SYNDIG1: variants seen among roughly 807,000 people sequenced by gnomAD.
SYNDIG1 encodes synapse differentiation-inducing gene protein 1.
Under a neutral mutation model 19.4 loss-of-function variants are expected in SYNDIG1, and 9 were observed. The observed-to-expected ratio is 0.46, with a 90% CI of 0.28 to 0.81. The LOEUF (loss-of-function observed/expected upper bound fraction) is 0.81, where lower values mean the gene tolerates loss of function less well. Among genes scored for constraint, SYNDIG1 ranks in the 30% least tolerant of loss-of-function variants. The pLI is 0.12. For synonymous variants in SYNDIG1, 141 were observed against 145.9 expected (o/e 0.97, Z 0.24); for missense variants, 311 against 343.3 (o/e 0.91, Z 0.74).
intron 2 of SYNDIG1, among the ~76,000 whole-genome samples, chr20:24,560,768 G>A (rs944527183): frequency 1.8e-5 from 2 of 108,314 alleles, no homozygotes; most frequent in Non-Finnish European, 3.7e-5. Flanking sequence ...AGTATTTTTT[G>A]TTGTGGTTGA....
At chr20:24,631,523 A>G (rs1330128477) in intron 3 of SYNDIG1, among the ~76,000 whole-genome samples, 1 of 152,194 alleles carries the variant, frequency 6.6e-6, no homozygotes, top group Non-Finnish European at 1.5e-5. Context: ...CAATTTACCA[A>G]AACTTTTTTC....
At chr20:24,632,818 G>A (rs1169784775) in intron 3 of SYNDIG1, among the ~76,000 whole-genome samples, 1 of 152,192 alleles carries the variant, frequency 6.6e-6, no homozygotes, top group Non-Finnish European at 1.5e-5. Context: ...AGGCCATCGG[G>A]GCTTCCAGAC....
intron 3 of SYNDIG1, among the ~76,000 whole-genome samples, chr20:24,631,404 C>T (rs184573033): frequency 2.6e-5 from 4 of 152,370 alleles, no homozygotes; most frequent in East Asian, 3.9e-4. Flanking sequence ...TCAGCCACCA[C>T]ATCCCCACCT....
intron 3 of SYNDIG1, among the ~76,000 whole-genome samples, chr20:24,617,973 G>A (rs1272504285): frequency 6.9e-6 from 1 of 145,456 alleles, no homozygotes; most frequent in Non-Finnish European, 1.5e-5. Flanking sequence ...CCGGGTGGGG[G>A]CTGAAGTCTG....
At chr20:24,547,293 C>G (rs191840602) in intron 2 of SYNDIG1, among the ~76,000 whole-genome samples, 1 of 152,222 alleles carries the variant, frequency 6.6e-6, no homozygotes, top group Non-Finnish European at 1.5e-5. Flanking sequence ...TCTCCAGGTC[C>G]GAAGAGGTCG....
Position 24,665,750 on chromosome 20 carries a change from C to T in SYNDIG1, c.*246C>T, listed in dbSNP as rs776054396. ...GGAAAGCTCCAAAGATCCCAGCCCG[C>T]AAGGCTGTCTCTGGATGGATTCTGG... On this transcript the variant is annotated 3_prime_UTR_variant, in exon 4 of 4. Transcript: ENST00000376862. 205 of 514,510 alleles carry T rather than the reference C, an allele frequency of 4.0e-4. No homozygotes were observed. Among genetic ancestry groups the T allele is most frequent in the Middle Eastern group, 5.1e-4 (1 of 1,950 alleles). The allele number at this position is 514,510 out of a possible 1,614,324, so 31.9% of individuals were successfully genotyped here.
At chr20:24,482,448 A>G (rs779043038) in intron 1 of SYNDIG1, among the ~76,000 whole-genome samples, 3 of 152,232 alleles carry the variant, frequency 2.0e-5, no homozygotes, top group Non-Finnish European at 2.9e-5. Context: ...GCCCAGCTTC[A>G]GAGATTCCAG....
Position 24,519,975 on chromosome 20 carries a change from C to T in SYNDIG1, c.-78-23045C>T, listed in dbSNP as rs1027519887. Among the ~76,000 whole-genome samples the T allele has an allele frequency of 1.6e-4, 25 of 152,254 alleles. No individual in the cohort carries two copies. The South Asian group carries it at 5.2e-3, about 32-fold the overall frequency. On this transcript the variant is annotated intron_variant, in intron 1 of 3. Coordinates refer to ENST00000376862, the MANE Select transcript of SYNDIG1 (RefSeq NM_024893.3). ...GTAGTGTTGCAGTCTGTGGCTCTTT[C>T]TCTCTTAGTTTATTTTCTATTTAAT...
intron 3 of SYNDIG1, among the ~76,000 whole-genome samples, chr20:24,593,482 A>G (rs1393897766): frequency 6.6e-6 from 1 of 151,026 alleles, no homozygotes. Flanking sequence ...TATTGGGAAT[A>G]GTGCTATGAT....
intron 1 of SYNDIG1, among the ~76,000 whole-genome samples, chr20:24,537,695 C>A (rs971030406): frequency 6.6e-6 from 1 of 152,116 alleles, no homozygotes; most frequent in Non-Finnish European, 1.5e-5. Flanking sequence ...CCCTGCTGTC[C>A]CACATCCCAT....
intron 1 of SYNDIG1, among the ~76,000 whole-genome samples, chr20:24,472,361 T>A (rs901326142): frequency 6.6e-6 from 1 of 152,260 alleles, no homozygotes; most frequent in African/African-American, 2.4e-5. Context: ...ATAAAAACTT[T>A]AAAACTCAGT....
intron 2 of SYNDIG1, among the ~76,000 whole-genome samples, chr20:24,550,572 G>A (rs112587003): frequency 0.18 from 26,548 of 150,630 alleles, 2,734 homozygotes; most frequent in Admixed American, 0.31. Flanking sequence ...GCAGTGGCGC[G>A]ATCTTGGCTC....
intron 1 of SYNDIG1, among the ~76,000 whole-genome samples, chr20:24,469,959 G>T (rs1352367242): frequency 6.6e-6 from 1 of 152,132 alleles, no homozygotes; most frequent in Non-Finnish European, 1.5e-5. Context: ...CGAGACTTGG[G>T]AGACACGGGG....
rs750289884 is a variant in SYNDIG1 at position 24,627,124 on chromosome 20, G to GGGGAGA, written c.619-38196_619-38191dup. On this transcript the variant is annotated intron_variant, in intron 3 of 3. Coordinates refer to ENST00000376862, the MANE Select transcript of SYNDIG1 (RefSeq NM_024893.3). ...GGGACCGTGGGGAGAGGGGGACCGTGGGGAGAGGGAGAGGGAGAGGGAGAG... is the reference window on the plus strand; with the variant it reads ...GGGACCGTGGGGAGAGGGGGACCGTGGGGAGAGGGAGAGGGAGAGGGAGAGGGAGAG... 1.3e-3 allele frequency among the ~76,000 whole-genome samples: 142 copies of GGGGAGA among 110,280 alleles called. 1 individual carries two copies. Among genetic ancestry groups the GGGGAGA allele is most frequent in the East Asian group, 4.7e-3 (23 of 4,850 alleles). 72.3% of individuals were successfully genotyped at this position (110,280 alleles called of 152,430 possible).
intron 3 of SYNDIG1, among the ~76,000 whole-genome samples, chr20:24,603,669 G>A (rs2058712149): frequency 6.6e-6 from 1 of 152,208 alleles, no homozygotes; most frequent in Non-Finnish European, 1.5e-5. Context: ...CAGCGAGGAA[G>A]CATTGCATTG....
chr20:24,626,067 C>A (rs1407125780), intron 3 of SYNDIG1, among the ~76,000 whole-genome samples: 2 of 149,702 alleles, frequency 1.3e-5, no homozygotes, highest in Non-Finnish European at 3.0e-5. Flanking sequence ...CCCTCCCGGA[C>A]AGGGTGGCTG....
At chr20:24,502,802 G>A (rs749687424) in intron 1 of SYNDIG1, among the ~76,000 whole-genome samples, 4 of 152,194 alleles carry the variant, frequency 2.6e-5, no homozygotes, top group Non-Finnish European at 5.9e-5. Flanking sequence ...TCTGTTAAAG[G>A]AAATAAAATA....
intron 3 of SYNDIG1, among the ~76,000 whole-genome samples, chr20:24,647,751 A>AT (rs563708285): frequency 5.3e-5 from 8 of 149,948 alleles, no homozygotes; most frequent in Non-Finnish European, 1.0e-4. Flanking sequence ...AAATGGGTGG[A>AT]TTTTTTTTCC....
At chr20:24,664,275 G>T (rs2059628948) in intron 3 of SYNDIG1, among the ~76,000 whole-genome samples, 1 of 152,074 alleles carries the variant, frequency 6.6e-6, no homozygotes, top group South Asian at 2.1e-4. Flanking sequence ...AGGTGTTGGT[G>T]TGTTTTAGCT....
Sources: gnomAD v4.1 joint callset for allele counts (sites outside exome capture counted in the v4.1 genomes callset) on GRCh38, gnomAD v4.1.1 for gene constraint, MANE v1.5 for transcripts, NCBI Gene and HGNC (gene_info 2026-07-23, HGNC 2026-07-21) for gene names.